NHEJ1: variants seen among roughly 807,000 people sequenced by gnomAD.
NHEJ1 encodes the protein non-homologous end-joining factor 1.
In NHEJ1, 22 loss-of-function variants were observed where a neutral mutation model predicts 39.4. The ratio of observed to expected loss-of-function variants is 0.56; its 90% CI spans 0.40 to 0.80. The LOEUF (loss-of-function observed/expected upper bound fraction) is 0.80, where lower values mean the gene tolerates loss of function less well. NHEJ1 is among the 30% of genes least tolerant of loss of function. NHEJ1 has a pLI of 0.00. For missense variants in NHEJ1, 329 were observed against 357.1 expected, an observed-to-expected ratio of 0.92 and a Z score of 0.63; for synonymous variants, 154 against 135.6, an observed-to-expected ratio of 1.14 and a Z score of -0.94.
intron 5 of NHEJ1, among the ~76,000 whole-genome samples, chr2:219,095,861 G>A (rs994639140): frequency 2.0e-5 from 3 of 152,006 alleles, no homozygotes; most frequent in Non-Finnish European, 4.4e-5. Flanking sequence ...TCTGAATTGG[G>A]CCTAGGTAGA....
intron 5 of NHEJ1, among the ~76,000 whole-genome samples, chr2:219,135,459 A>T (rs1300880485): frequency 2.0e-5 from 3 of 152,116 alleles, no homozygotes; most frequent in Non-Finnish European, 4.4e-5. Flanking sequence ...ATACAAAAAA[A>T]TTAGCCAGGC....
intron 5 of NHEJ1, among the ~76,000 whole-genome samples, chr2:219,141,877 G>T (rs1287375210): frequency 6.6e-6 from 1 of 152,036 alleles, no homozygotes; most frequent in Non-Finnish European, 1.5e-5. Context: ...GCCAGCCAAA[G>T]AAACCAATTA....
At chr2:219,139,705 C>T (rs1949671870) in intron 5 of NHEJ1, among the ~76,000 whole-genome samples, 1 of 152,134 alleles carries the variant, frequency 6.6e-6, no homozygotes, top group African/African-American at 2.4e-5. Flanking sequence ...GAGACAGAGT[C>T]TCGCTCTTTC....
chr2:219,127,248 G>A (rs1352992076), intron 5 of NHEJ1, among the ~76,000 whole-genome samples: 1 of 152,078 alleles, frequency 6.6e-6, no homozygotes, highest in African/African-American at 2.4e-5. Context: ...TTCAGACGTG[G>A]CCTACTTCTT....
At chr2:219,141,634 A>T (rs78706468) in intron 5 of NHEJ1, among the ~76,000 whole-genome samples, 1 of 152,254 alleles carries the variant, frequency 6.6e-6, no homozygotes, top group Non-Finnish European at 1.5e-5. Flanking sequence ...CATTTTGGAC[A>T]TGTTTAGGAT....
chr2:219,154,131 CTGAA>C (rs1383423032), intron 3 of NHEJ1, among the ~76,000 whole-genome samples: 2 of 152,062 alleles, frequency 1.3e-5, no homozygotes, highest in African/African-American at 4.8e-5. Context: ...GGCAGGTCCT[CTGAA>C]TGTGTTGATA....
intron 5 of NHEJ1, among the ~76,000 whole-genome samples, chr2:219,145,221 AAACAACAACAAC>A (rs148227268): frequency 5.3e-5 from 8 of 151,580 alleles, no homozygotes; most frequent in African/African-American, 1.5e-4. Flanking sequence ...TTCGTTTCAA[AAACAACAACAAC>A]AACAACAACA....
Position 219,158,267 on chromosome 2 carries a change from C to T in NHEJ1, c.96G>A (p.Gln32=). 1 of 1,614,200 alleles carries T rather than the reference C, an allele frequency of 6.2e-7. No homozygotes were observed. The highest frequency in any genetic ancestry group is 1.6e-4 in the Middle Eastern group (1 of 6,062). Residue 32 remains glutamine, a synonymous_variant, in exon 2 of 8, where the codon CAG becomes CAA. Transcript: ENST00000356853. ...GATCTGAAACCAACAAGGCATAGCC[C>T]TGCTTGGTGATAAAAACCTTGGCCA... ...SLLAKVFITK[Q]GYALLVSDLQ...
chr2:219,086,566 C>T (rs1249910516), intron 5 of NHEJ1, among the ~76,000 whole-genome samples: 4 of 152,214 alleles, frequency 2.6e-5, no homozygotes, highest in Admixed American at 6.5e-5. Context: ...CCTTACTTCA[C>T]CCCTTGAGTG....
At chr2:219,146,469 C>A (rs937044047) in intron 5 of NHEJ1, among the ~76,000 whole-genome samples, 13 of 152,310 alleles carry the variant, frequency 8.5e-5, no homozygotes, top group Middle Eastern at 3.4e-3. Context: ...ATCAATCAGT[C>A]CACTTCCGCC....
intron 5 of NHEJ1, among the ~76,000 whole-genome samples, chr2:219,128,849 C>G (rs1210273500): frequency 6.6e-6 from 1 of 152,212 alleles, no homozygotes; most frequent in Non-Finnish European, 1.5e-5. Flanking sequence ...AGGTAGCTGC[C>G]AGCCTAGGTC....
intron 5 of NHEJ1, among the ~76,000 whole-genome samples, chr2:219,091,273 T>C (rs1377156023): frequency 6.6e-6 from 1 of 152,132 alleles, no homozygotes; most frequent in Non-Finnish European, 1.5e-5. Flanking sequence ...TTGGGCGACT[T>C]CTCAGTTCTT....
intron 5 of NHEJ1, among the ~76,000 whole-genome samples, chr2:219,083,005 G>A (rs370876253): frequency 6.1e-4 from 93 of 152,302 alleles, no homozygotes; most frequent in African/African-American, 2.1e-3. Context: ...AACAAGAAAC[G>A]TAATTTAGGA....
chr2:219,076,504 T>TGAAATTA (rs1273029147), intron 7 of NHEJ1, 49 bp from the exon 8 acceptor site: 2 of 1,554,766 alleles, frequency 1.3e-6, no homozygotes. Flanking sequence ...ATAGTTCCAC[T>TGAAATTA]GAAATTAGGA....
rs56033548 is a variant in NHEJ1, at chr2:219,071,772, C to T, written c.*4609G>A. On this transcript the variant is annotated 3_prime_UTR_variant, in exon 8 of 8. Coordinates refer to ENST00000356853, the MANE Select transcript of NHEJ1 (RefSeq NM_024782.3). ...CCTGGAGCTCTTCCAGTGCTTCTTCCGGGTTCCCCTGGTAGGCTGGCCCAG... is the reference window on the plus strand; with the variant it reads ...CCTGGAGCTCTTCCAGTGCTTCTTCTGGGTTCCCCTGGTAGGCTGGCCCAG... Among the ~76,000 whole-genome samples, 14,194 of 152,226 alleles carry T rather than the reference C, an allele frequency of 0.093. 660 individuals carry two copies. Among genetic ancestry groups the T allele is most frequent in the East Asian group, 0.15 (752 of 5,176 alleles).
chr2:219,132,786 C>T (rs1381456566), intron 5 of NHEJ1, among the ~76,000 whole-genome samples: 1 of 152,116 alleles, frequency 6.6e-6, no homozygotes. Flanking sequence ...AACCCCAGAT[C>T]CCATCCAAAT....
chr2:219,076,255 C>A lies in NHEJ1; in HGVS notation c.*126G>T. 1 of 1,568,260 alleles carries A rather than the reference C, an allele frequency of 6.4e-7. No homozygotes were observed. Among genetic ancestry groups the A allele is most frequent in the South Asian group, 1.2e-5 (1 of 86,048 alleles). ...CTGTCAACATCAACTTCAGTTCTCT[C>A]GCCCTTACAGGAGGCCTCTGACTGT... On this transcript the variant is annotated 3_prime_UTR_variant, in exon 8 of 8. Coordinates refer to ENST00000356853, the MANE Select transcript of NHEJ1 (RefSeq NM_024782.3).
chr2:219,116,624 T>C (rs1949419343), intron 5 of NHEJ1, among the ~76,000 whole-genome samples: 1 of 152,198 alleles, frequency 6.6e-6, no homozygotes, highest in Non-Finnish European at 1.5e-5. Flanking sequence ...CCCAAAGTAC[T>C]GGGATTACAG....
At chr2:219,105,042 T>TATAG (rs1250325610) in intron 5 of NHEJ1, among the ~76,000 whole-genome samples, 1 of 152,182 alleles carries the variant, frequency 6.6e-6, no homozygotes, top group African/African-American at 2.4e-5. Flanking sequence ...TAAACCTGAT[T>TATAG]ATAGTTGAGT....
Sources: gnomAD v4.1 joint callset for allele counts (sites outside exome capture counted in the v4.1 genomes callset) on GRCh38, gnomAD v4.1.1 for gene constraint, MANE v1.5 for transcripts, NCBI Gene and HGNC (gene_info 2026-07-23, HGNC 2026-07-21) for gene names.